Variants in ZNF804A observed in about 807,000 individuals in gnomAD.
ZNF804A encodes zinc finger protein 804A.
A neutral mutation model predicts 16.5 loss-of-function variants in ZNF804A; 2 were observed. That is an observed-to-expected ratio of 0.12 (90% CI 0.05 to 0.38). The LOEUF is 0.38. Among genes scored for constraint, ZNF804A ranks in the 10% least tolerant of loss-of-function variants. The pLI, the probability that ZNF804A is intolerant of heterozygous loss-of-function variation, is 0.99. For synonymous variants in ZNF804A, 534 were observed against 489.6 expected, an observed-to-expected ratio of 1.09 and a Z score of -1.20; for missense variants, 1,473 against 1,390.7, an observed-to-expected ratio of 1.06 and a Z score of -0.94.
intron 1 of ZNF804A, among the ~76,000 whole-genome samples, chr2:184,703,760 A>C (rs1294757638): frequency 2.6e-5 from 4 of 151,838 alleles, no homozygotes. Flanking sequence ...ATTTGTTTGC[A>C]AAAGAAGAGC....
intron 2 of ZNF804A, among the ~76,000 whole-genome samples, chr2:184,922,331 T>A (rs147592253): frequency 6.6e-6 from 1 of 152,296 alleles, no homozygotes; most frequent in African/African-American, 2.4e-5. Flanking sequence ...GCAGTTTTGA[T>A]ATACATTTCT....
chr2:184,902,597 T>C (rs185504934), intron 2 of ZNF804A: 8 of 152,276 alleles, frequency 5.3e-5, no homozygotes, highest in African/African-American at 1.9e-4. Context: ...TTAAATCTAA[T>C]ATGCTGTGTC....
intron 2 of ZNF804A, among the ~76,000 whole-genome samples, chr2:184,933,160 C>T (rs1574276691): frequency 6.6e-6 from 1 of 151,956 alleles, no homozygotes; most frequent in Admixed American, 6.6e-5. Context: ...CACACACACA[C>T]ACACAGACAC....
chr2:184,701,026 T>C (rs374364396), intron 1 of ZNF804A, among the ~76,000 whole-genome samples: 2 of 151,988 alleles, frequency 1.3e-5, no homozygotes, highest in South Asian at 2.1e-4. Context: ...TTGTGAACTA[T>C]ATTGACCTTA....
Position 184,806,437 on chromosome 2 carries a change from ATT to A in ZNF804A, c.112-59930_112-59929del, listed in dbSNP as rs141350924. ...CATTTCATCAACATTTAAAAAACTG[ATT>A]TCTTAATTATATTTCTCTTCGGAAT... is the stretch of plus-strand genomic sequence containing the variant. On this transcript the variant is annotated intron_variant, in intron 1 of 3. Coordinates refer to ENST00000302277, the MANE Select transcript of ZNF804A (RefSeq NM_194250.2). Among the ~76,000 whole-genome samples, 1,160 of 152,032 alleles carry A rather than the reference ATT, an allele frequency of 7.6e-3. 18 individuals carry two copies. Among genetic ancestry groups the A allele is most frequent in the African/African-American group, 0.027 (1,103 of 41,546 alleles).
At chr2:184,656,907 A>C (rs1282237458) in intron 1 of ZNF804A, among the ~76,000 whole-genome samples, 1 of 152,062 alleles carries the variant, frequency 6.6e-6, no homozygotes, top group Non-Finnish European at 1.5e-5. Flanking sequence ...CTCTTTCAAA[A>C]TGTTCTGCCA....
chr2:184,776,629 T>C (rs949448750), intron 1 of ZNF804A, among the ~76,000 whole-genome samples: 1 of 151,568 alleles, frequency 6.6e-6, no homozygotes, highest in Non-Finnish European at 1.5e-5. Flanking sequence ...GAAAACCACC[T>C]GAGGATTGTT....
intron 1 of ZNF804A, among the ~76,000 whole-genome samples, chr2:184,797,239 C>A (rs1441397262): frequency 2.0e-5 from 3 of 152,060 alleles, no homozygotes; most frequent in Admixed American, 6.6e-5. Flanking sequence ...AAGTCCCTCA[C>A]TATTATTGTG....
chr2:184,868,666 CA>C (rs1030332534), intron 2 of ZNF804A, among the ~76,000 whole-genome samples: 3 of 152,002 alleles, frequency 2.0e-5, no homozygotes, highest in African/African-American at 7.2e-5. Flanking sequence ...GACCCTGTGA[CA>C]ATTGAGAGTA....
At chr2:184,794,192 TGTAGAAGTATTCCC>T (rs1382309791) in intron 1 of ZNF804A, among the ~76,000 whole-genome samples, 1 of 152,150 alleles carries the variant, frequency 6.6e-6, no homozygotes, top group African/African-American at 2.4e-5. Context: ...CCACCAGCAG[TGTAGAAGTATTCCC>T]TTTTCACTGC....
In ZNF804A at chr2:184,666,835, C is replaced by A. The variant is rs559934352; in HGVS notation, c.111+67765C>A. On this transcript the variant is annotated intron_variant, in intron 1 of 3. Transcript: ENST00000302277. ...TCAGAATTCACTACTTAGAGTATAT[C>A]AGCTGAGGGAAATATACGTGTATAA... 1.6e-4 allele frequency among the ~76,000 whole-genome samples: 24 copies of A among 152,070 alleles called. No homozygotes were observed. The South Asian group carries it at 4.4e-3, about 28-fold the overall frequency.
chr2:184,797,542 A>G (rs1227680889), intron 1 of ZNF804A, among the ~76,000 whole-genome samples: 1 of 152,112 alleles, frequency 6.6e-6, no homozygotes, highest in Non-Finnish European at 1.5e-5. Flanking sequence ...CCCTGATGGC[A>G]GCAGATAGTT....
At chr2:184,751,631 A>AGG (rs1693879482) in intron 1 of ZNF804A, among the ~76,000 whole-genome samples, 2 of 151,602 alleles carry the variant, frequency 1.3e-5, no homozygotes, top group Non-Finnish European at 3.0e-5. Flanking sequence ...AAGATAGACA[A>AGG]GTGAAACTAA....
At position 184,649,138 on chromosome 2, in the gene ZNF804A, C is replaced by G. The variant is rs551075416; in HGVS notation, c.111+50068C>G. On this transcript the variant is annotated intron_variant, in intron 1 of 3. Transcript: ENST00000302277. ...AATCAATACCAAGATCTCTCAAAACCGTGAAATTACATAGAAATTCGACAA... is the reference window on the plus strand; with the variant it reads ...AATCAATACCAAGATCTCTCAAAACGGTGAAATTACATAGAAATTCGACAA... Among the ~76,000 whole-genome samples, 306 of 151,934 alleles carry G rather than the reference C, an allele frequency of 2.0e-3. 1 individual carries two copies. Among genetic ancestry groups the G allele is most frequent in the African/African-American group, 7.0e-3 (290 of 41,458 alleles).
intron 1 of ZNF804A, among the ~76,000 whole-genome samples, chr2:184,771,765 C>T (rs954212463): frequency 2.0e-5 from 3 of 151,950 alleles, no homozygotes; most frequent in African/African-American, 7.2e-5. Flanking sequence ...TGGACATTTC[C>T]ATAGACAAGT....
chr2:184,738,727 T>C (rs1693670891), intron 1 of ZNF804A, among the ~76,000 whole-genome samples: 1 of 152,184 alleles, frequency 6.6e-6, no homozygotes, highest in South Asian at 2.1e-4. Flanking sequence ...GATACTAATG[T>C]AATTGAAAAT....
At chr2:184,685,177 G>A (rs1433490450) in intron 1 of ZNF804A, among the ~76,000 whole-genome samples, 1 of 152,120 alleles carries the variant, frequency 6.6e-6, no homozygotes, top group Non-Finnish European at 1.5e-5. Flanking sequence ...CTCTGGCATA[G>A]GTGCTGGCTT....
intron 3 of ZNF804A, 144 bp from the exon 4 acceptor site, chr2:184,935,639 C>A: frequency 1.1e-6 from 1 of 881,118 alleles, no homozygotes; most frequent in Non-Finnish European, 1.7e-6. Flanking sequence ...ATGGAAAGTA[C>A]TTACACCATA....
At chr2:184,601,239 G>GAGAT (rs1691039693) in intron 1 of ZNF804A, among the ~76,000 whole-genome samples, 1 of 152,008 alleles carries the variant, frequency 6.6e-6, no homozygotes, top group Non-Finnish European at 1.5e-5. Flanking sequence ...GGAAAATGAT[G>GAGAT]AGATTTATGC....
Sources: allele counts gnomAD v4.1 joint callset (sites outside exome capture counted in the v4.1 genomes callset), GRCh38; gene constraint gnomAD v4.1.1; transcripts MANE v1.5; gene names NCBI Gene and HGNC (gene_info 2026-07-23, HGNC 2026-07-21).